The following FAM162B variants were observed in gnomAD, a reference collection of about 807,000 sequenced individuals.
FAM162B encodes the protein protein FAM162B.
A neutral mutation model predicts 20.0 loss-of-function variants in FAM162B; 16 were observed. The ratio of observed to expected loss-of-function variants is 0.80; its 90% CI spans 0.54 to 1.21. The LOEUF is 1.21. FAM162B is among the 50% of genes most tolerant of loss of function. FAM162B has a pLI of 0.00. For synonymous variants in FAM162B, 83 were observed against 89.7 expected, an observed-to-expected ratio of 0.93 and a Z score of 0.42; for missense variants, 260 against 227.5, an observed-to-expected ratio of 1.14 and a Z score of -0.92.
chr6:116,758,111 G>A (rs1016234152), intron 3 of FAM162B, among the ~76,000 whole-genome samples: 2 of 152,122 alleles, frequency 1.3e-5, no homozygotes, highest in Non-Finnish European at 2.9e-5. Context: ...CCTTGAAAAG[G>A]CAAAATGGAA....
At position 116,752,713 on chromosome 6, in the gene FAM162B, T is replaced by TAG. The variant is rs776717487; in HGVS notation, c.391-19_391-18insCT. On this transcript the variant is annotated intron_variant, in intron 3 of 3. Transcript: ENST00000368557. Reference sequence around the variant, plus strand: ...TCTACAGCCTGTGGGGGGGAAGAAATATATATATATATATATATATAGATA... The same window carrying TAG: ...TCTACAGCCTGTGGGGGGGAAGAAATAGATATATATATATATATATATAGATA... 4 of 79,462 alleles carry TAG rather than the reference T, an allele frequency of 5.0e-5. No homozygotes were observed. In the South Asian group the frequency reaches 9.4e-4, roughly 19 times the overall value. The allele number at this position is 79,462 out of a possible 1,614,324, so 4.9% of individuals were successfully genotyped here.
intron 3 of FAM162B, among the ~76,000 whole-genome samples, chr6:116,753,216 A>T (rs1780012284): frequency 6.6e-6 from 1 of 152,092 alleles, no homozygotes; most frequent in African/African-American, 2.4e-5. Context: ...TTCCACAATG[A>T]ATTCACCACA....
At chr6:116,756,585 C>A (rs1016676779) in intron 3 of FAM162B, among the ~76,000 whole-genome samples, 1 of 152,152 alleles carries the variant, frequency 6.6e-6, no homozygotes, top group African/African-American at 2.4e-5. Context: ...GAAAGAAGTT[C>A]TACTGTGAGG....
chr6:116,760,656 G>C (rs956051903), intron 3 of FAM162B, among the ~76,000 whole-genome samples: 24 of 152,096 alleles, frequency 1.6e-4, no homozygotes, highest in African/African-American at 4.3e-4. Flanking sequence ...TTTAACGTTA[G>C]GTTAAAAACA....
rs1216530196 is a variant in FAM162B, at chr6:116,765,158, C to CG, written c.269dup (p.Pro91AlafsTer46). Reference sequence around the variant, plus strand: ...GTCGCCACACTTACGGGATCCGAGGCGGGATCTCCTCCATCGATTTGAAAC... The same window carrying CG: ...GTCGCCACACTTACGGGATCCGAGGCGGGGATCTCCTCCATCGATTTGAAAC... On this transcript the variant is annotated frameshift_variant, in exon 2 of 4. Transcript: ENST00000368557. LOFTEE classifies it high-confidence loss of function. The CG allele has an allele frequency of 6.2e-7, 1 of 1,613,386 alleles. No individual in the cohort carries two copies. The highest frequency in any genetic ancestry group is 8.5e-7 in the Non-Finnish European group (1 of 1,179,922).
intron 3 of FAM162B, among the ~76,000 whole-genome samples, chr6:116,753,963 C>G (rs1358903991): frequency 6.6e-6 from 1 of 152,196 alleles, no homozygotes; most frequent in African/African-American, 2.4e-5. Flanking sequence ...AAACGATTTT[C>G]ATTCCCAATG....
At chr6:116,757,803 G>A (rs1192442650) in intron 3 of FAM162B, among the ~76,000 whole-genome samples, 3 of 150,788 alleles carry the variant, frequency 2.0e-5, no homozygotes, top group Non-Finnish European at 4.4e-5. Flanking sequence ...TGTGTCAAAT[G>A]CTGATAGGTC....
intron 3 of FAM162B, among the ~76,000 whole-genome samples, chr6:116,759,466 A>C (rs1418951841): frequency 6.6e-6 from 1 of 150,826 alleles, no homozygotes; most frequent in Non-Finnish European, 1.5e-5. Flanking sequence ...ACGCCTGGCT[A>C]ATTTTTTTGT....
chr6:116,764,051 C>T (rs900783442), intron 2 of FAM162B, among the ~76,000 whole-genome samples: 1 of 152,116 alleles, frequency 6.6e-6, no homozygotes, highest in Non-Finnish European at 1.5e-5. Context: ...AATAAAAGAA[C>T]GAAAATGCTT....
In FAM162B at chr6:116,762,895, T is replaced by C. The variant is rs528788719; in HGVS notation, c.282-810A>G. Among the ~76,000 whole-genome samples the C allele has an allele frequency of 9.2e-5, 14 of 152,278 alleles. No individual in the cohort carries two copies. The East Asian group carries it at 2.5e-3, about 27-fold the overall frequency. On this transcript the variant is annotated intron_variant, in intron 2 of 3. Transcript: ENST00000368557. ...TTCAATGATATGAAGTGGCAGATTATAAATATGCATATTTAAAGAATTTCA... is the reference window on the plus strand; with the variant it reads ...TTCAATGATATGAAGTGGCAGATTACAAATATGCATATTTAAAGAATTTCA...
At chr6:116,761,636 A>ACT (rs1404238827) in intron 3 of FAM162B, among the ~76,000 whole-genome samples, 19 of 106,196 alleles carry the variant, frequency 1.8e-4, no homozygotes, top group African/African-American at 5.9e-4. Flanking sequence ...ATATATATAC[A>ACT]TATATATACA....
Position 116,752,557 on chromosome 6 carries a change from C to A in FAM162B, c.*40G>T. 1.8e-6 allele frequency: 2 copies of A among 1,114,288 alleles called. No homozygotes were observed. The highest frequency in any genetic ancestry group is 2.6e-6 in the Non-Finnish European group (2 of 782,186). 69.0% of individuals were successfully genotyped at this position (1,114,288 alleles called of 1,614,324 possible). A position where few individuals can be genotyped will look rare whatever the true frequency, so the allele number is the denominator to read the frequency against. On this transcript the variant is annotated 3_prime_UTR_variant, in exon 4 of 4. Transcript: ENST00000368557. The stretch of plus-strand genomic sequence containing the variant: ...TCCCATCTTCTACTGTTGCTGATGA[C>A]AGGGATGGTATTCAGGTGAACACTT...
chr6:116,765,256 C>T lies in FAM162B; in HGVS notation c.173-1G>A, dbSNP rs1171103227. The T allele has an allele frequency of 1.2e-6, 2 of 1,613,346 alleles. No individual in the cohort carries two copies. The highest frequency in any genetic ancestry group is 2.2e-5 in the East Asian group (1 of 44,816). On this transcript the variant is annotated splice_acceptor_variant, in intron 1 of 3. Transcript: ENST00000368557. LOFTEE classifies it high-confidence loss of function. Reference sequence around the variant, plus strand: ...TGCGTGGGGACTCGGTGAATCTCCCCTGCAGCGAAAGCAACCCAGATGGAC... The same window carrying T: ...TGCGTGGGGACTCGGTGAATCTCCCTTGCAGCGAAAGCAACCCAGATGGAC...
chr6:116,761,610 A>T (rs192756626), intron 3 of FAM162B, among the ~76,000 whole-genome samples: 41 of 147,330 alleles, frequency 2.8e-4, no homozygotes, highest in African/African-American at 8.6e-4. Context: ...AGTATTTTTT[A>T]TATATATATA....
chr6:116,759,758 A>T (rs927446868), intron 3 of FAM162B, among the ~76,000 whole-genome samples: 12 of 151,424 alleles, frequency 7.9e-5, no homozygotes, highest in Admixed American at 1.3e-4. Context: ...CACTATCTGG[A>T]CTCTCCCTGT....
At position 116,765,477 on chromosome 6, in the gene FAM162B, C is replaced by T. The variant is rs957087385; in HGVS notation, c.100G>A (p.Ala34Thr). 1.3e-5 allele frequency: 18 copies of T among 1,412,650 alleles called. No homozygotes were observed. In the African/African-American group the frequency reaches 2.5e-4, roughly 20 times the overall value. The allele number at this position is 1,412,650 out of a possible 1,614,324, so 87.5% of individuals were successfully genotyped here. The change falls in exon 1 of 4, where the codon GCT becomes ACT. Residue 34 changes from alanine to threonine, a missense_variant. Physicochemically the swap from Ala to Thr is moderately conservative, Grantham distance 58 (BLOSUM62 0). Coordinates refer to ENST00000368557, the MANE Select transcript of FAM162B (RefSeq NM_001085480.3). Reference protein sequence around the residue: ...PLEATRRPAPALPPRGLPCYS... With the variant: ...PLEATRRPAPTLPPRGLPCYS... The stretch of plus-strand genomic sequence containing the variant: ...CAGGGGAGACCCCGGGGCGGAAGAG[C>T]CGGTGCGGGCCGTCGCGTGGCCTCG...
At chr6:116,756,200 T>C (rs772192188) in intron 3 of FAM162B, among the ~76,000 whole-genome samples, 41 of 152,138 alleles carry the variant, frequency 2.7e-4, no homozygotes, top group Non-Finnish European at 5.3e-4. Context: ...TTAAGAATAT[T>C]TGTGAATCAT....
At chr6:116,759,622 C>T (rs1340115367) in intron 3 of FAM162B, among the ~76,000 whole-genome samples, 1 of 152,070 alleles carries the variant, frequency 6.6e-6, no homozygotes, top group Admixed American at 6.6e-5. Context: ...TTTATTTTCA[C>T]TGGGTTTTGA....
At chr6:116,753,380 G>A (rs1780013695) in intron 3 of FAM162B, among the ~76,000 whole-genome samples, 1 of 152,270 alleles carries the variant, frequency 6.6e-6, no homozygotes, top group Middle Eastern at 3.4e-3. Flanking sequence ...GGACCATTTA[G>A]AAGATATTGC....
Sources: gnomAD v4.1 joint callset for allele counts (sites outside exome capture counted in the v4.1 genomes callset) on GRCh38, gnomAD v4.1.1 for gene constraint, MANE v1.5 for transcripts, NCBI Gene and HGNC (gene_info 2026-07-23, HGNC 2026-07-21) for gene names.